Variants in PDE1B observed in about 807,000 individuals in gnomAD.
PDE1B encodes phosphodiesterase 1B, also known as dual specificity calcium/calmodulin-dependent 3',5'-cyclic nucleotide phosphodiesterase 1B.
PDE1B carries 13 observed loss-of-function variants against 66.7 expected under a neutral mutation model. The ratio of observed to expected loss-of-function variants is 0.19; its 90% confidence interval spans 0.13 to 0.31. PDE1B has a LOEUF of 0.31. Ranked by LOEUF, PDE1B falls within the 10% of genes least tolerant of loss-of-function variation. The pLI is 1.00. For synonymous variants in PDE1B, 230 were observed against 253.9 expected (o/e 0.91, Z 0.90); for missense variants, 485 against 682.3 (o/e 0.71, Z 3.22).
At chr12:54,561,762 G>A (rs1957418320) in intron 2 of PDE1B, 2 of 153,960 alleles carry the variant, frequency 1.3e-5, no homozygotes, top group East Asian at 7.0e-5. Flanking sequence ...TGTTTTGTGC[G>A]TGTGTGTGTG....
At position 54,573,925 on chromosome 12, in the gene PDE1B, T is replaced by A. The variant is rs1957674861; in HGVS notation, c.1064+216T>A. Reference sequence around the variant, plus strand: ...TGTGTGTGTGTGTCCTTACGTTTACTCACAGCCTTGGCAGCTGATCCACTG... The same window carrying A: ...TGTGTGTGTGTGTCCTTACGTTTACACACAGCCTTGGCAGCTGATCCACTG... On this transcript the variant is annotated intron_variant, in intron 10 of 15. Coordinates refer to ENST00000243052, the MANE Select transcript of PDE1B (RefSeq NM_000924.4). This position sits in a 1 kb window ranked among gnomAD's most constrained non-coding sequence, Gnocchi z 5.2. The A allele has an allele frequency of 1.8e-6, 1 of 551,726 alleles. No homozygotes were observed. The highest frequency in any genetic ancestry group is 3.1e-5 in the East Asian group (1 of 32,704). 34.2% of individuals were successfully genotyped at this position (551,726 alleles called of 1,614,324 possible).
chr12:54,577,192 C>A, intron 14 of PDE1B, 33 bp from the exon 15 acceptor site: 1 of 1,566,580 alleles, frequency 6.4e-7, no homozygotes, highest in Non-Finnish European at 8.8e-7. Flanking sequence ...TACTTCTTGG[C>A]CTAAGCTCAG....
intron 2 of PDE1B, among the ~76,000 whole-genome samples, chr12:54,559,208 G>A (rs905182635): frequency 6.6e-6 from 1 of 150,662 alleles, no homozygotes; most frequent in Non-Finnish European, 1.5e-5. Context: ...ATCCCTTCCC[G>A]AGCACCCACC....
chr12:54,576,369 C>A, intron 13 of PDE1B: 1 of 633,558 alleles, frequency 1.6e-6, no homozygotes, highest in Non-Finnish European at 2.7e-6. Flanking sequence ...TTTCCTTCTA[C>A]CAGGAGGGAA....
At chr12:54,572,535 C>G in intron 6 of PDE1B, 66 bp from the exon 7 acceptor site, 1 of 1,474,678 alleles carries the variant, frequency 6.8e-7, no homozygotes, top group South Asian at 1.2e-5. Context: ...TTGTTGATCT[C>G]GGTCCGTAAT....
intron 2 of PDE1B, among the ~76,000 whole-genome samples, chr12:54,565,780 C>T (rs769454895): frequency 3.3e-5 from 5 of 152,148 alleles, no homozygotes; most frequent in Non-Finnish European, 7.4e-5. Flanking sequence ...CACCCCATTC[C>T]AAAGCTGCCG....
chr12:54,571,159 G>A (rs529508894), intron 6 of PDE1B: 3 of 152,178 alleles, frequency 2.0e-5, no homozygotes, highest in East Asian at 1.9e-4. Flanking sequence ...CTCCCAGGCC[G>A]GCTTCGGGAG....
At chr12:54,559,815 A>G (rs1957383603) in intron 2 of PDE1B, among the ~76,000 whole-genome samples, 2 of 152,176 alleles carry the variant, frequency 1.3e-5, no homozygotes, top group South Asian at 2.1e-4. Context: ...AAGACGAGGC[A>G]GGGAAGTTGG....
chr12:54,575,879 C>G lies in PDE1B; in HGVS notation c.1268-113C>G. On this transcript the variant is annotated intron_variant, in intron 12 of 15. Coordinates refer to ENST00000243052, the MANE Select transcript of PDE1B (RefSeq NM_000924.4). The surrounding 1 kb of genome is among the most constrained non-coding windows in gnomAD (Gnocchi z 4.0). ...TGGGAAGTTTTCAGCCCCAGGTTAC[C>G]TCTCCATCCTCTTTCATAAGCAGCC... 3 of 847,138 alleles carry G rather than the reference C, an allele frequency of 3.5e-6. No individual in the cohort carries two copies. The South Asian group carries it at 4.2e-5, about 12-fold the overall frequency. The allele number at this position is 847,138 out of a possible 1,614,324, so 52.5% of individuals were successfully genotyped here.
chr12:54,566,931 G>T lies in PDE1B; in HGVS notation c.114-43G>T, dbSNP rs368344585. 57 of 1,002,716 alleles carry T rather than the reference G, an allele frequency of 5.7e-5. 1 individual carries two copies. In the East Asian group the frequency reaches 1.2e-3, roughly 21 times the overall value. 62.1% of individuals were successfully genotyped at this position (1,002,716 alleles called of 1,614,324 possible). ...AGGGAGTATGCTGTTCTCATGATAA[G>T]GTAGCTGTGCCTAAGCAGCCTCTCT... On this transcript the variant is annotated intron_variant, in intron 2 of 15. Coordinates refer to ENST00000243052, the MANE Select transcript of PDE1B (RefSeq NM_000924.4).
At chr12:54,553,411 G>C (rs556182345) in intron 2 of PDE1B, among the ~76,000 whole-genome samples, 24 of 152,168 alleles carry the variant, frequency 1.6e-4, no homozygotes, top group African/African-American at 5.3e-4. Flanking sequence ...CACATGGTAC[G>C]CACTCGGGAC....
chr12:54,575,664 C>G lies in PDE1B; in HGVS notation c.1267+32C>G, dbSNP rs1352068524. On this transcript the variant is annotated intron_variant, in intron 12 of 15. Coordinates refer to ENST00000243052, the MANE Select transcript of PDE1B (RefSeq NM_000924.4). This position sits in a 1 kb window ranked among gnomAD's most constrained non-coding sequence, Gnocchi z 4.0. The stretch of plus-strand genomic sequence containing the variant: ...GTCCTCTCCTGCAGGAAGGGGAGGA[C>G]TGGGAGGGGGAAAAGATGCTGCCTG... 6.9e-7 allele frequency: 1 copy of G among 1,451,306 alleles called. No homozygotes were observed. Among genetic ancestry groups the G allele is most frequent in the Non-Finnish European group, 9.7e-7 (1 of 1,036,210 alleles). The allele number at this position is 1,451,306 out of a possible 1,614,324, so 89.9% of individuals were successfully genotyped here. A position where few individuals can be genotyped will look rare whatever the true frequency, so the allele number is the denominator to read the frequency against.
rs1237014681 is a variant in PDE1B at position 54,576,053 on chromosome 12, T to G, written c.1329T>G (p.Ser443Arg). The G allele has an allele frequency of 6.2e-7, 1 of 1,613,586 alleles. No homozygotes were observed. The highest frequency in any genetic ancestry group is 1.7e-5 in the Admixed American group (1 of 59,978). ...TGCTGACTGACGTGGCAGAGAAGAG[T>G]GTTCAGCCCCTGGCGGATGAGGACT... ...FSVLTDVAEK[S>R]VQPLADEDSK... The change falls in exon 13 of 16, where the codon AGT becomes AGG. Residue 443 changes from serine to arginine, a missense_variant. Coordinates refer to ENST00000243052, the MANE Select transcript of PDE1B (RefSeq NM_000924.4).
rs745566833 is a variant in PDE1B at position 54,573,118 on chromosome 12, C to T, written c.736-30C>T. ...GGGAAGTGACCAGCAGGCGTCACCCCTCTCTCATTCTTTCTCTTTCCTCCT... is the reference window on the plus strand; with the variant it reads ...GGGAAGTGACCAGCAGGCGTCACCCTTCTCTCATTCTTTCTCTTTCCTCCT... On this transcript the variant is annotated intron_variant, in intron 7 of 15. Transcript: ENST00000243052. The surrounding 1 kb of genome is among the most constrained non-coding windows in gnomAD (Gnocchi z 5.2). 6.5e-7 allele frequency: 1 copy of T among 1,539,276 alleles called. No individual in the cohort carries two copies.
rs752437817 is a variant in PDE1B, at chr12:54,573,597, T to C, written c.963-11T>C. 6 of 1,612,974 alleles carry C rather than the reference T, an allele frequency of 3.7e-6. No homozygotes were observed. The highest frequency in any genetic ancestry group is 1.3e-5 in the African/African-American group (1 of 74,914). On this transcript the variant is annotated splice_polypyrimidine_tract_variant and intron_variant, in intron 9 of 15. Transcript: ENST00000243052. The surrounding 1 kb of genome is among the most constrained non-coding windows in gnomAD (Gnocchi z 5.2). ...AGGGGACTGATTGCTTCTCTTTTTA[T>C]GTCCGCTCAGAGAACTCCGAGCCCT...
intron 2 of PDE1B, chr12:54,561,597 G>T: frequency 6.5e-7 from 1 of 1,533,190 alleles, no homozygotes; most frequent in Non-Finnish European, 8.7e-7. Flanking sequence ...GGCAAACCCT[G>T]TTCCTGTTCA....
At chr12:54,558,739 G>C (rs181712389) in intron 2 of PDE1B, among the ~76,000 whole-genome samples, 71 of 152,318 alleles carry the variant, frequency 4.7e-4, no homozygotes, top group African/African-American at 1.7e-3. Context: ...CCAATATCCA[G>C]GTGCCATCTG....
Position 54,560,570 on chromosome 12 carries a change from C to T in PDE1B, c.114-6404C>T, listed in dbSNP as rs145176906. On this transcript the variant is annotated intron_variant, in intron 2 of 15. Transcript: ENST00000243052. ...GGCCCCAGCGTACATGTATTGGTGG[C>T]GACATCTCCCAGCCAATCAGGAGGC... Among the ~76,000 whole-genome samples the T allele has an allele frequency of 1.5e-4, 23 of 152,300 alleles. No homozygotes were observed. In the East Asian group the frequency reaches 3.9e-3, roughly 26 times the overall value.
chr12:54,555,925 C>T (rs762255543), intron 2 of PDE1B, among the ~76,000 whole-genome samples: 10 of 152,144 alleles, frequency 6.6e-5, no homozygotes, highest in Non-Finnish European at 7.4e-5. Context: ...GTCAGAAAAT[C>T]CCCGTGGCTC....
Sources: gnomAD v4.1 joint callset for allele counts (sites outside exome capture counted in the v4.1 genomes callset) on GRCh38, gnomAD v4.1.1 for gene constraint, Gnocchi (gnomAD v3.1) non-coding constraint, MANE v1.5 for transcripts, NCBI Gene and HGNC (gene_info 2026-07-23, HGNC 2026-07-21) for gene names.